HECW1: variants seen among roughly 807,000 people sequenced by gnomAD.
HECW1 encodes the protein HECT, C2 and WW domain containing E3 ubiquitin protein ligase 1.
Under a neutral mutation model 182.3 loss-of-function variants are expected in HECW1, and 61 were observed. That is an observed-to-expected ratio of 0.33 (90% CI 0.27 to 0.41). HECW1 has a LOEUF of 0.41. Ranked by LOEUF, HECW1 falls within the 10% of genes least tolerant of loss-of-function variation. The probability of loss-of-function intolerance (pLI) is 1.00; values close to 1 mark genes in which losing one functional copy is unlikely to be tolerated. For synonymous variants in HECW1, 859 were observed against 832.6 expected, an observed-to-expected ratio of 1.03 and a Z score of -0.55; for missense variants, 1,739 against 2,108.9, an observed-to-expected ratio of 0.82 and a Z score of 3.44.
intron 2 of HECW1, among the ~76,000 whole-genome samples, chr7:43,189,248 A>C (rs1273873781): frequency 5.9e-5 from 9 of 152,194 alleles, no homozygotes; most frequent in Admixed American, 3.9e-4. Context: ...GCCATATCAT[A>C]ACTACTCAAA....
chr7:43,389,868 A>C (rs1417197945), intron 6 of HECW1, among the ~76,000 whole-genome samples: 1 of 152,106 alleles, frequency 6.6e-6, no homozygotes, highest in East Asian at 1.9e-4. Context: ...CCTGGCCTCA[A>C]GTGATCCTTC....
At chr7:43,308,701 A>G (rs1276682342) in intron 3 of HECW1, among the ~76,000 whole-genome samples, 2 of 151,244 alleles carry the variant, frequency 1.3e-5, no homozygotes, top group Non-Finnish European at 2.9e-5. Context: ...GGCTCACTGC[A>G]ACCTCCGCCT....
rs141110262 is a variant in HECW1 at position 43,298,268 on chromosome 7, T to A, written c.28-13495T>A. ...AGGTATGGAAAACTCCATAGAATAT[T>A]TGGAGTTATTAAATTTTCACGCGAA... On this transcript the variant is annotated intron_variant, in intron 3 of 29. Coordinates refer to ENST00000395891, the MANE Select transcript of HECW1 (RefSeq NM_015052.5). 2.5e-3 allele frequency among the ~76,000 whole-genome samples: 378 copies of A among 152,288 alleles called. 1 individual carries two copies. The highest frequency in any genetic ancestry group is 0.01 in the Middle Eastern group (3 of 294).
At chr7:43,356,921 C>G (rs1815215277) in intron 5 of HECW1, among the ~76,000 whole-genome samples, 1 of 152,074 alleles carries the variant, frequency 6.6e-6, no homozygotes, top group African/African-American at 2.4e-5. Flanking sequence ...TAAGTAGCAT[C>G]TTTTAAAAGA....
At chr7:43,163,591 G>T (rs1311307431) in intron 2 of HECW1, among the ~76,000 whole-genome samples, 1 of 152,140 alleles carries the variant, frequency 6.6e-6, no homozygotes. Flanking sequence ...TCACCCTCAT[G>T]CTCCTGGTCT....
chr7:43,128,529 C>T (rs968772019), intron 2 of HECW1, among the ~76,000 whole-genome samples: 1 of 152,224 alleles, frequency 6.6e-6, no homozygotes, highest in Non-Finnish European at 1.5e-5. Context: ...ATTGACAATG[C>T]ACTTGGTCAC....
chr7:43,230,270 T>C (rs2152708590), intron 2 of HECW1, among the ~76,000 whole-genome samples: 1 of 152,282 alleles, frequency 6.6e-6, no homozygotes, highest in South Asian at 2.1e-4. Flanking sequence ...GGCGGGTACC[T>C]ATAGTCCTAG....
intron 3 of HECW1, among the ~76,000 whole-genome samples, chr7:43,307,936 AAATGT>A (rs1807831815): frequency 7.2e-6 from 1 of 137,976 alleles, no homozygotes; most frequent in African/African-American, 2.7e-5. Context: ...ACATATAGTG[AAATGT>A]ATTATTATAT....
In HECW1 at chr7:43,126,101, A is replaced by G. The variant is rs1786219956; in HGVS notation, c.-32+11710A>G. 3.8e-5 allele frequency among the ~76,000 whole-genome samples: 4 copies of G among 104,276 alleles called. No individual in the cohort carries two copies. In the Admixed American group the frequency reaches 5.5e-4, roughly 14 times the overall value. The allele number at this position is 104,276 out of a possible 152,430, so 68.4% of individuals were successfully genotyped here. ...TTTTTTTTTTTTTTGGTTTTTACTC[A>G]CCACTGTACTGACGAGGATCACTTT... On this transcript the variant is annotated intron_variant, in intron 2 of 29. Transcript: ENST00000395891.
rs531638040 is a variant in HECW1 at position 43,539,709 on chromosome 7, T to G, written c.4020-1454T>G. On this transcript the variant is annotated intron_variant, in intron 24 of 29. Transcript: ENST00000395891. The stretch of plus-strand genomic sequence containing the variant: ...ATCACCTCTGTGCTGACCTTTAGTC[T>G]TTTCCTGGTTTGGATCATCTCGGTC... Among the ~76,000 whole-genome samples the G allele has an allele frequency of 3.3e-5, 5 of 152,354 alleles. No individual in the cohort carries two copies. In the South Asian group the frequency reaches 1.0e-3, roughly 32 times the overall value.
At chr7:43,215,089 T>G (rs554218400) in intron 2 of HECW1, among the ~76,000 whole-genome samples, 2 of 152,252 alleles carry the variant, frequency 1.3e-5, no homozygotes, top group Non-Finnish European at 2.9e-5. Flanking sequence ...TTTTAAAAAA[T>G]GTAAGGATTG....
At chr7:43,263,553 G>A (rs1052190658) in intron 3 of HECW1, among the ~76,000 whole-genome samples, 2 of 152,148 alleles carry the variant, frequency 1.3e-5, no homozygotes, top group Non-Finnish European at 1.5e-5. Context: ...TAGAGACAGG[G>A]TTTCACCATA....
At chr7:43,142,989 G>A (rs867947059) in intron 2 of HECW1, among the ~76,000 whole-genome samples, 1 of 152,196 alleles carries the variant, frequency 6.6e-6, no homozygotes, top group African/African-American at 2.4e-5. Flanking sequence ...AGACTGGAGA[G>A]TGGTAGGCTG....
intron 3 of HECW1, among the ~76,000 whole-genome samples, chr7:43,247,733 A>G (rs2152723096): frequency 7.6e-6 from 1 of 131,448 alleles, no homozygotes; most frequent in African/African-American, 3.1e-5. Flanking sequence ...GAAGGAAGAA[A>G]GGAAGGAAGG....
chr7:43,216,309 C>G (rs139174136), intron 2 of HECW1, among the ~76,000 whole-genome samples: 1,669 of 152,124 alleles, frequency 0.011, 29 homozygotes, highest in Middle Eastern at 0.038. Context: ...CCATGCCCAG[C>G]TAAGTTTTGT....
intron 8 of HECW1, among the ~76,000 whole-genome samples, chr7:43,426,028 T>C (rs1050121893): frequency 6.6e-6 from 1 of 152,162 alleles, no homozygotes; most frequent in African/African-American, 2.4e-5. Flanking sequence ...TATGGCTGCA[T>C]TGTTGGGACT....
chr7:43,295,516 G>A lies in HECW1; in HGVS notation c.28-16247G>A, dbSNP rs1313858475. Among the ~76,000 whole-genome samples, 5 of 152,216 alleles carry A rather than the reference G, an allele frequency of 3.3e-5. No homozygotes were observed. In the South Asian group the frequency reaches 6.2e-4, roughly 19 times the overall value. On this transcript the variant is annotated intron_variant, in intron 3 of 29. Coordinates refer to ENST00000395891, the MANE Select transcript of HECW1 (RefSeq NM_015052.5). Reference sequence around the variant, plus strand: ...TGATGCAGACACCAATACTGAATACGGAGAAGGTCCCACTCCCCAGGGGGG... The same window carrying A: ...TGATGCAGACACCAATACTGAATACAGAGAAGGTCCCACTCCCCAGGGGGG...
At chr7:43,324,987 T>C (rs2152784786) in intron 5 of HECW1, among the ~76,000 whole-genome samples, 1 of 152,350 alleles carries the variant, frequency 6.6e-6, no homozygotes, top group South Asian at 2.1e-4. Context: ...GCTATTGATT[T>C]ATACAATTTT....
chr7:43,351,767 T>C (rs1253582459), intron 5 of HECW1, among the ~76,000 whole-genome samples: 2 of 151,666 alleles, frequency 1.3e-5, no homozygotes, highest in Non-Finnish European at 1.5e-5. Context: ...TGAAAACTTG[T>C]AGAAATCAGA....
Sources: gnomAD v4.1 joint callset for allele counts (sites outside exome capture counted in the v4.1 genomes callset) on GRCh38, gnomAD v4.1.1 for gene constraint, MANE v1.5 for transcripts, NCBI Gene and HGNC (gene_info 2026-07-23, HGNC 2026-07-21) for gene names.